ETS1: variants seen among roughly 807,000 people sequenced by gnomAD.
The protein encoded by ETS1 is protein C-ets-1.
Under a neutral mutation model 58.6 loss-of-function variants are expected in ETS1, and 15 were observed. The observed-to-expected ratio is 0.26, with a 90% CI of 0.17 to 0.39. The LOEUF is 0.39. ETS1 is among the 10% of genes least tolerant of loss of function. ETS1 has a pLI of 1.00. For synonymous variants in ETS1, 214 were observed against 218.2 expected, an observed-to-expected ratio of 0.98 and a Z score of 0.17; for missense variants, 417 against 610.5, an observed-to-expected ratio of 0.68 and a Z score of 3.34.
intron 3 of ETS1, among the ~76,000 whole-genome samples, chr11:128,500,840 G>C (rs1395285055): frequency 6.6e-6 from 1 of 152,180 alleles, no homozygotes; most frequent in East Asian, 1.9e-4. Flanking sequence ...GAGTGGTCAT[G>C]AGGGGCAGGG....
chr11:128,559,532 G>C (rs764856447), intron 2 of ETS1, among the ~76,000 whole-genome samples: 4 of 152,100 alleles, frequency 2.6e-5, no homozygotes, highest in Admixed American at 6.5e-5. Context: ...TTAAGGCATA[G>C]TTCCTCTGTA....
intron 7 of ETS1, among the ~76,000 whole-genome samples, chr11:128,482,957 G>A (rs143211885): frequency 1.1e-4 from 17 of 152,294 alleles, no homozygotes; most frequent in East Asian, 1.9e-4. Flanking sequence ...CACTCTGTAC[G>A]CTGTAATGCA....
At chr11:128,530,312 C>T (rs1231983270) in intron 3 of ETS1, 1 of 152,240 alleles carries the variant, frequency 6.6e-6, no homozygotes, top group Non-Finnish European at 1.5e-5. Flanking sequence ...ACCCAGCTCA[C>T]ATCTCATCTA....
At chr11:128,503,762 G>C (rs1863152310) in intron 3 of ETS1, among the ~76,000 whole-genome samples, 2 of 152,150 alleles carry the variant, frequency 1.3e-5, no homozygotes. Flanking sequence ...AGCCACATGG[G>C]AACCACATGG....
intron 3 of ETS1, among the ~76,000 whole-genome samples, chr11:128,545,553 C>G (rs1432171716): frequency 6.6e-6 from 1 of 152,066 alleles, no homozygotes; most frequent in Non-Finnish European, 1.5e-5. Flanking sequence ...AGCAAAAGAC[C>G]ACATATGTGC....
At chr11:128,478,989 T>A (rs962115260) in intron 8 of ETS1, among the ~76,000 whole-genome samples, 1 of 152,214 alleles carries the variant, frequency 6.6e-6, no homozygotes, top group African/African-American at 2.4e-5. Context: ...TACTCCAACA[T>A]GTAGACATAA....
intron 8 of ETS1, among the ~76,000 whole-genome samples, chr11:128,468,169 C>T (rs994958818): frequency 2.6e-5 from 4 of 152,152 alleles, no homozygotes; most frequent in African/African-American, 9.7e-5. Context: ...CTAAGGGGAC[C>T]CCCAAGGCTC....
At chr11:128,564,671 T>C (rs1305769115) in intron 2 of ETS1, among the ~76,000 whole-genome samples, 1 of 152,164 alleles carries the variant, frequency 6.6e-6, no homozygotes, top group Non-Finnish European at 1.5e-5. Context: ...TGAGAGGTCT[T>C]AGGTGAGAGA....
chr11:128,507,613 C>T (rs551353588), intron 3 of ETS1, among the ~76,000 whole-genome samples: 1 of 152,332 alleles, frequency 6.6e-6, no homozygotes, highest in East Asian at 1.9e-4. Context: ...TGCATGGTTC[C>T]TGCAGACATC....
rs114053667 is a variant in ETS1, at chr11:128,463,698, G to A, written c.1124-71C>T. The A allele has an allele frequency of 7.9e-3, 6,543 of 831,376 alleles. 225 individuals are homozygous for A. In the African/African-American group the frequency reaches 0.081, roughly 10 times the overall value. The allele number at this position is 831,376 out of a possible 1,614,324, so 51.5% of individuals were successfully genotyped here. ...CTCTACGCAGCTAATCCCCACACAC[G>A]GCACTCCCACATCCCTCTTCTCTCA... On this transcript the variant is annotated intron_variant, in intron 8 of 9. Coordinates refer to ENST00000392668, the MANE Select transcript of ETS1 (RefSeq NM_001143820.2). This position sits in a 1 kb window ranked among gnomAD's most constrained non-coding sequence, Gnocchi z 4.1.
At chr11:128,545,020 G>T (rs1332636877) in intron 3 of ETS1, among the ~76,000 whole-genome samples, 2 of 150,254 alleles carry the variant, frequency 1.3e-5, no homozygotes, top group African/African-American at 4.9e-5. Flanking sequence ...GCTGGTTGGG[G>T]GTGGGGGGGG....
chr11:128,526,693 G>A (rs1418434216), intron 3 of ETS1: 10 of 319,552 alleles, frequency 3.1e-5, no homozygotes, highest in South Asian at 1.2e-4. Context: ...TGAGAAATTC[G>A]AGAACTACCT....
intron 3 of ETS1, among the ~76,000 whole-genome samples, chr11:128,555,924 G>A (rs569452417): frequency 2.6e-5 from 4 of 152,326 alleles, no homozygotes; most frequent in East Asian, 1.9e-4. Flanking sequence ...AAGAAAGCAT[G>A]TTCTCTAAGA....
At chr11:128,519,956 C>T (rs1338889474) in intron 3 of ETS1, among the ~76,000 whole-genome samples, 1 of 152,084 alleles carries the variant, frequency 6.6e-6, no homozygotes, top group East Asian at 1.9e-4. Flanking sequence ...AGAAATCAAA[C>T]CTCTTTACAA....
In ETS1 at chr11:128,566,590, T is replaced by C. The variant is rs528603339; in HGVS notation, c.69+6472A>G. Reference sequence around the variant, plus strand: ...CGAGGTCAGGAGATCGAGACCATCCTGGCTAACACAGTGAAACCCCGTCTC... The same window carrying C: ...CGAGGTCAGGAGATCGAGACCATCCCGGCTAACACAGTGAAACCCCGTCTC... On this transcript the variant is annotated intron_variant, in intron 2 of 9. Transcript: ENST00000392668. Among the ~76,000 whole-genome samples, 64 of 152,244 alleles carry C rather than the reference T, an allele frequency of 4.2e-4. 1 individual carries two copies. In the East Asian group the frequency reaches 4.8e-3, roughly 11 times the overall value.
chr11:128,502,516 GC>G (rs1179677170), intron 3 of ETS1, among the ~76,000 whole-genome samples: 2 of 152,178 alleles, frequency 1.3e-5, no homozygotes, highest in Non-Finnish European at 2.9e-5. Context: ...CTATAAAGGA[GC>G]TTTTCCCTGG....
chr11:128,559,100 G>A (rs1487394463), intron 2 of ETS1, among the ~76,000 whole-genome samples: 2 of 152,202 alleles, frequency 1.3e-5, no homozygotes, highest in Non-Finnish European at 2.9e-5. Context: ...AGTGGTAGTA[G>A]GTAGTTGGTT....
In ETS1 at chr11:128,466,403, G is replaced by GCC. The variant is rs949971381; in HGVS notation, c.1124-2778_1124-2777dup. ...ACATCTGCTGGTGCTGGAGAACAGG[G>GCC]CCCAGGAGCACACTGCAGTCTCCTG... On this transcript the variant is annotated intron_variant, in intron 8 of 9. Coordinates refer to ENST00000392668, the MANE Select transcript of ETS1 (RefSeq NM_001143820.2). Among the ~76,000 whole-genome samples the GCC allele has an allele frequency of 2.6e-4, 39 of 152,176 alleles. 1 individual carries two copies. Among genetic ancestry groups the GCC allele is most frequent in the African/African-American group, 8.7e-4 (36 of 41,448 alleles).
In ETS1 at chr11:128,532,121, C is replaced by T. The variant is rs144085745; in HGVS notation, c.214+24170G>A. Among the ~76,000 whole-genome samples, 8 of 152,282 alleles carry T rather than the reference C, an allele frequency of 5.3e-5. No individual in the cohort carries two copies. The East Asian group carries it at 1.5e-3, about 29-fold the overall frequency. ...GCTATAAACCTAAACCTCTATCTAT[C>T]TCTAATTGTGCCATACACATACATT... On this transcript the variant is annotated intron_variant, in intron 3 of 9. Transcript: ENST00000392668.
Sources: gnomAD v4.1 joint callset for allele counts (sites outside exome capture counted in the v4.1 genomes callset) on GRCh38, gnomAD v4.1.1 for gene constraint, Gnocchi (gnomAD v3.1) non-coding constraint, MANE v1.5 for transcripts, NCBI Gene and HGNC (gene_info 2026-07-23, HGNC 2026-07-21) for gene names.